FOXP1: variants seen among roughly 807,000 people sequenced by gnomAD.
The protein encoded by FOXP1 is forkhead box protein P1.
Under a neutral mutation model 98.2 loss-of-function variants are expected in FOXP1, and 15 were observed. That is an observed-to-expected ratio of 0.15 (90% confidence interval 0.10 to 0.24). The LOEUF is 0.24. FOXP1 is among the 10% of genes least tolerant of loss of function. The probability of loss-of-function intolerance (pLI) is 1.00; values close to 1 mark genes in which losing one functional copy is unlikely to be tolerated. For missense variants in FOXP1, 633 were observed against 848.5 expected (o/e 0.75, Z 3.15); for synonymous variants, 371 against 314.5 (o/e 1.18, Z -1.90).
In FOXP1 at chr3:71,502,077, C is replaced by A. The variant is rs77870976; in HGVS notation, c.-297-8522G>T. 2.7e-4 allele frequency among the ~76,000 whole-genome samples: 41 copies of A among 152,318 alleles called. No homozygotes were observed. In the East Asian group the frequency reaches 7.9e-3, roughly 29 times the overall value. On this transcript the variant is annotated intron_variant, in intron 2 of 20. Transcript: ENST00000649528. Reference sequence around the variant, plus strand: ...GAGTCCCCCAGAAGCCCACTTGGCACCCTATCTATAACAAGTTGCTCTTTA... The same window carrying A: ...GAGTCCCCCAGAAGCCCACTTGGCAACCTATCTATAACAAGTTGCTCTTTA...
At chr3:71,522,235 G>T (rs6778026) in intron 2 of FOXP1, among the ~76,000 whole-genome samples, 1 of 151,932 alleles carries the variant, frequency 6.6e-6, no homozygotes, top group Non-Finnish European at 1.5e-5. Flanking sequence ...ATCTGTCCAC[G>T]CTGGGACATC....
chr3:71,311,073 TTTTG>T (rs759618983), intron 4 of FOXP1, among the ~76,000 whole-genome samples: 2 of 152,152 alleles, frequency 1.3e-5, no homozygotes, highest in Non-Finnish European at 2.9e-5. Flanking sequence ...TCCCACTTTT[TTTTG>T]TTTGTTTGTT....
At chr3:71,264,019 G>T (rs957416693) in intron 5 of FOXP1, among the ~76,000 whole-genome samples, 6 of 151,242 alleles carry the variant, frequency 4.0e-5, no homozygotes, top group Admixed American at 3.3e-4. Context: ...CCAAATTGTT[G>T]TAAGTACAGG....
chr3:71,429,370 CT>C (rs1275677032), intron 3 of FOXP1, among the ~76,000 whole-genome samples: 3 of 150,782 alleles, frequency 2.0e-5, no homozygotes, highest in East Asian at 2.0e-4. Context: ...CTGAGAAACA[CT>C]TTTTTTTTCT....
At chr3:70,981,352 C>T (rs1204191708) in intron 14 of FOXP1, among the ~76,000 whole-genome samples, 2 of 152,102 alleles carry the variant, frequency 1.3e-5, no homozygotes, top group Non-Finnish European at 1.5e-5. Flanking sequence ...AGAGAGGGGG[C>T]TTACCAGGCT....
At chr3:70,959,444 T>C in intron 20 of FOXP1, 53 bp from the exon 21 acceptor site, 1 of 1,609,610 alleles carries the variant, frequency 6.2e-7, no homozygotes, top group South Asian at 1.1e-5. Flanking sequence ...CCATTGCAGC[T>C]CAGGTGCACT....
intron 7 of FOXP1, among the ~76,000 whole-genome samples, chr3:71,096,251 G>C (rs2056442681): frequency 6.6e-6 from 1 of 152,176 alleles, no homozygotes; most frequent in African/African-American, 2.4e-5. Context: ...AATGTACTTA[G>C]CTGTCTTCTT....
At chr3:71,285,630 A>G (rs1024269772) in intron 5 of FOXP1, among the ~76,000 whole-genome samples, 1 of 152,230 alleles carries the variant, frequency 6.6e-6, no homozygotes, top group African/African-American at 2.4e-5. Flanking sequence ...AATCCGAGAA[A>G]GGGTCATGTA....
intron 7 of FOXP1, among the ~76,000 whole-genome samples, chr3:71,093,208 C>T (rs546307576): frequency 9.3e-5 from 14 of 149,760 alleles, no homozygotes; most frequent in African/African-American, 2.9e-4. Context: ...GAGCCAAGAT[C>T]GCACTAGTGC....
chr3:71,174,992 C>T (rs988331492), intron 6 of FOXP1, among the ~76,000 whole-genome samples: 78 of 151,724 alleles, frequency 5.1e-4, no homozygotes, highest in African/African-American at 1.8e-3. Flanking sequence ...CAGCTCACTG[C>T]AACCTCCGCC....
intron 3 of FOXP1, among the ~76,000 whole-genome samples, chr3:71,381,518 C>T (rs2080179358): frequency 1.4e-5 from 2 of 146,582 alleles, no homozygotes; most frequent in South Asian, 4.5e-4. Context: ...TCACAGCTCA[C>T]TGCGGCCTCA....
At chr3:71,268,772 T>G (rs929090223) in intron 5 of FOXP1, among the ~76,000 whole-genome samples, 1 of 152,168 alleles carries the variant, frequency 6.6e-6, no homozygotes, top group African/African-American at 2.4e-5. Flanking sequence ...GCTGTCAACC[T>G]GGGGATGTCT....
intron 4 of FOXP1, among the ~76,000 whole-genome samples, chr3:71,324,443 A>T (rs936686355): frequency 6.6e-6 from 1 of 152,250 alleles, no homozygotes; most frequent in Non-Finnish European, 1.5e-5. Flanking sequence ...GCCATAAAAA[A>T]GGATGAGTTC....
intron 4 of FOXP1, among the ~76,000 whole-genome samples, chr3:71,317,836 G>GA (rs2075168518): frequency 6.6e-6 from 1 of 152,178 alleles, no homozygotes; most frequent in African/African-American, 2.4e-5. Context: ...AATACACAAT[G>GA]AAAAATAAAT....
chr3:71,347,675 C>T (rs1221239797), intron 4 of FOXP1, among the ~76,000 whole-genome samples: 3 of 152,126 alleles, frequency 2.0e-5, no homozygotes, highest in Admixed American at 1.3e-4. Context: ...CACCTGAGGT[C>T]GGGGGTTCGA....
chr3:71,054,509 T>A (rs2107151749), intron 7 of FOXP1, among the ~76,000 whole-genome samples: 1 of 152,364 alleles, frequency 6.6e-6, no homozygotes, highest in Middle Eastern at 3.4e-3. Context: ...AAGGATGATG[T>A]CTTGTTCAGA....
intron 5 of FOXP1, among the ~76,000 whole-genome samples, chr3:71,262,826 T>G (rs2069288801): frequency 6.6e-6 from 1 of 152,194 alleles, no homozygotes; most frequent in African/African-American, 2.4e-5. Flanking sequence ...AAATAAACCT[T>G]TCAAGTGTTC....
In FOXP1 at chr3:70,956,890, T is replaced by A; in HGVS notation, c.*2357A>T. The A allele has an allele frequency of 4.6e-6, 1 of 216,904 alleles. No homozygotes were observed. The highest frequency in any genetic ancestry group is 9.2e-6 in the Non-Finnish European group (1 of 108,206). 13.4% of individuals were successfully genotyped at this position (216,904 alleles called of 1,614,324 possible). ...TGAGTGGATGGGAGTGTTACTTTTC[T>A]TTAAATGAAAAATGCTGACCAAAGC... On this transcript the variant is annotated 3_prime_UTR_variant, in exon 21 of 21. Coordinates refer to ENST00000649528, the MANE Select transcript of FOXP1 (RefSeq NM_001349338.3).
chr3:71,060,206 C>T (rs1371949679), intron 7 of FOXP1, among the ~76,000 whole-genome samples: 2 of 151,952 alleles, frequency 1.3e-5, no homozygotes, highest in African/African-American at 4.8e-5. Flanking sequence ...AGACCATTTC[C>T]GAAGTTTTAT....
Sources: allele counts gnomAD v4.1 joint callset (sites outside exome capture counted in the v4.1 genomes callset), GRCh38; gene constraint gnomAD v4.1.1; transcripts MANE v1.5; gene names NCBI Gene and HGNC (gene_info 2026-07-23, HGNC 2026-07-21).